Variants in DCLRE1B observed in about 807,000 individuals in gnomAD.
The protein encoded by DCLRE1B is DNA cross-link repair 1B, also known as 5' exonuclease Apollo.
In DCLRE1B, 6 loss-of-function variants were observed where a neutral mutation model predicts 19.8. The ratio of observed to expected loss-of-function variants is 0.30; its 90% confidence interval spans 0.17 to 0.60. The LOEUF (loss-of-function observed/expected upper bound fraction) is 0.60. Ranked by LOEUF, DCLRE1B falls within the 20% of genes least tolerant of loss-of-function variation. The pLI is 0.87. For missense variants in DCLRE1B, 622 were observed against 654.2 expected (o/e 0.95, Z 0.54); for synonymous variants, 258 against 255.7 (o/e 1.01, Z -0.09).
At position 113,907,165 on chromosome 1, in the gene DCLRE1B, G is replaced by A. The variant is rs1214983795; in HGVS notation, c.355+4G>A. 3.9e-6 allele frequency: 6 copies of A among 1,553,936 alleles called. No individual in the cohort carries two copies. The highest frequency in any genetic ancestry group is 1.1e-5 in the South Asian group (1 of 89,522). ...TTTGGAACCATCCTCTACACAGGTG[G>A]GCCTCTCAAGGAATCCCAGTGACTT... On this transcript the variant is annotated splice_donor_region_variant and intron_variant, in intron 2 of 3. Coordinates refer to ENST00000650450, the MANE Select transcript of DCLRE1B (RefSeq NM_022836.4).
At chr1:113,906,157 A>AGCGATTCTCCT (rs1320876284) in intron 1 of DCLRE1B, among the ~76,000 whole-genome samples, 4 of 143,300 alleles carry the variant, frequency 2.8e-5, no homozygotes, top group African/African-American at 1.0e-4. Flanking sequence ...CCCGGGTTCA[A>AGCGATTCTCCT]GCGATTCTCC....
intron 3 of DCLRE1B, among the ~76,000 whole-genome samples, chr1:113,908,793 A>G (rs77727804): frequency 6.7e-5 from 10 of 148,462 alleles, no homozygotes; most frequent in Middle Eastern, 3.4e-3. Flanking sequence ...TGGCCCATGC[A>G]CATACGCGTG....
Position 113,913,358 on chromosome 1 carries a change from G to A in DCLRE1B, c.*1167G>A, listed in dbSNP as rs1453925174. On this transcript the variant is annotated 3_prime_UTR_variant, in exon 4 of 4. Coordinates refer to ENST00000650450, the MANE Select transcript of DCLRE1B (RefSeq NM_022836.4). ...AGAAGATTCCATTTCTTGTCCAGGG[G>A]ATTTAAAAGAGTTTTCTGCTTTGAG... is the stretch of plus-strand genomic sequence containing the variant. The A allele has an allele frequency of 6.5e-6, 1 of 152,770 alleles. No homozygotes were observed. The highest frequency in any genetic ancestry group is 6.5e-5 in the Admixed American group (1 of 15,272). The allele number at this position is 152,770 out of a possible 1,614,324, so 9.5% of individuals were successfully genotyped here.
Position 113,905,646 on chromosome 1 carries a change from G to A in DCLRE1B, c.60G>A (p.Arg20=). 1 of 1,614,188 alleles carries A rather than the reference G, an allele frequency of 6.2e-7. No homozygotes were observed. The highest frequency in any genetic ancestry group is 1.1e-5 in the South Asian group (1 of 91,090). The change falls in exon 1 of 4, where the codon CGG becomes CGA. Residue 20 remains arginine, a synonymous_variant. Coordinates refer to ENST00000650450, the MANE Select transcript of DCLRE1B (RefSeq NM_022836.4). ...CAGTGGACTTCTGGAGCCTGCGCCG[G>A]GCTGGCACCGCACGTCTCTTCTTCT... ...PIAVDFWSLR[R]AGTARLFFLS...
At position 113,912,529 on chromosome 1, in the gene DCLRE1B, C is replaced by A; in HGVS notation, c.*338C>A. 2 of 195,968 alleles carry A rather than the reference C, an allele frequency of 1.0e-5. No individual in the cohort carries two copies. Among genetic ancestry groups the A allele is most frequent in the South Asian group, 1.3e-4 (1 of 7,736 alleles). The allele number at this position is 195,968 out of a possible 1,614,324, so 12.1% of individuals were successfully genotyped here. ...TCTCAAACTTTTGTGAACATGCAAT[C>A]ATCTTATGTGGGTACAGAAAGAGGT... On this transcript the variant is annotated 3_prime_UTR_variant, in exon 4 of 4. Transcript: ENST00000650450.
chr1:113,907,496 T>G (rs781418376), intron 2 of DCLRE1B, among the ~76,000 whole-genome samples: 3 of 151,752 alleles, frequency 2.0e-5, no homozygotes, highest in Non-Finnish European at 2.9e-5. Flanking sequence ...TGAGACGGAG[T>G]TTCACTCTTG....
At position 113,911,041 on chromosome 1, in the gene DCLRE1B, T is replaced by C. The variant is rs945159763; in HGVS notation, c.539-90T>C. On this transcript the variant is annotated intron_variant, in intron 3 of 3. Coordinates refer to ENST00000650450, the MANE Select transcript of DCLRE1B (RefSeq NM_022836.4). ...TTTCTCCATGAATTGTATCTATTTT[T>C]GTTAAACATTTTGTTGATTTATTAG... is the stretch of plus-strand genomic sequence containing the variant. 9 of 1,231,118 alleles carry C rather than the reference T, an allele frequency of 7.3e-6. No homozygotes were observed. The African/African-American group carries it at 1.4e-4, about 19-fold the overall frequency. The allele number at this position is 1,231,118 out of a possible 1,614,324, so 76.3% of individuals were successfully genotyped here. A position where few individuals can be genotyped will look rare whatever the true frequency, so the allele number is the denominator to read the frequency against.
chr1:113,909,251 G>A (rs1669161175), intron 3 of DCLRE1B, among the ~76,000 whole-genome samples: 2 of 152,086 alleles, frequency 1.3e-5, no homozygotes, highest in Non-Finnish European at 2.9e-5. Context: ...TTTAAATTAA[G>A]TATACTGAAA....
chr1:113,904,950 G>A (rs1048679777), upstream of DCLRE1B: 5 of 506,204 alleles, frequency 9.9e-6, no homozygotes, highest in South Asian at 6.0e-5. Flanking sequence ...ACCGTCGGCC[G>A]GCAGGCCGTT....
chr1:113,907,039 A>G lies in DCLRE1B; in HGVS notation c.233A>G (p.His78Arg). Reference protein sequence around the residue: ...WIQALEVGESHVLPLDEIGQE... With the variant: ...WIQALEVGESRVLPLDEIGQE... ...CAAGCCCTGGAGGTTGGTGAGAGCC[A>G]TGTATTACCCCTAGATGAAATTGGA... The change falls in exon 2 of 4, where the codon CAT (histidine) becomes CGT (arginine). Residue 78 changes from histidine (H) to arginine (R), a missense_variant. Physicochemically the swap from His to Arg is conservative, Grantham distance 29. This residue lies in a region of DCLRE1B where 237 missense variants were observed against 223.8 expected (regional missense o/e 1.06). Transcript: ENST00000650450. 2.5e-6 allele frequency: 4 copies of G among 1,614,000 alleles called. No individual in the cohort carries two copies. Among genetic ancestry groups the G allele is most frequent in the Non-Finnish European group, 3.4e-6 (4 of 1,180,000 alleles).
rs1259510253 is a variant in DCLRE1B at position 113,905,339 on chromosome 1, G to C, written c.-248G>C. On this transcript the variant is annotated 5_prime_UTR_variant, in exon 1 of 4. Transcript: ENST00000650450. ...CCTGCAGCGCGCGCTTTGAGTGCCC[G>C]GCTCGGCCTCCGCTCCCGCGCGGTT... The C allele has an allele frequency of 4.0e-6, 2 of 504,200 alleles. No homozygotes were observed. The highest frequency in any genetic ancestry group is 3.9e-5 in the Admixed American group (1 of 25,858). 31.2% of individuals were successfully genotyped at this position (504,200 alleles called of 1,614,324 possible).
chr1:113,908,763 T>G (rs1669140080), intron 3 of DCLRE1B, among the ~76,000 whole-genome samples: 1 of 152,148 alleles, frequency 6.6e-6, no homozygotes, highest in African/African-American at 2.4e-5. Flanking sequence ...GCTTACTTGT[T>G]GTCTATCATG....
chr1:113,904,630 G>C (rs926795463), upstream of DCLRE1B: 2 of 1,613,864 alleles, frequency 1.2e-6, no homozygotes. Flanking sequence ...ATGACATTCC[G>C]GTAGCGCAGC....
At position 113,912,195 on chromosome 1, in the gene DCLRE1B, C is replaced by A. The variant is rs201483853; in HGVS notation, c.*4C>A. 5.9e-5 allele frequency: 94 copies of A among 1,600,518 alleles called. No individual in the cohort carries two copies. In the African/African-American group the frequency reaches 1.1e-3, roughly 19 times the overall value. On this transcript the variant is annotated 3_prime_UTR_variant, in exon 4 of 4. Transcript: ENST00000650450. ...AAAATACCATAAACCCTGCTGAAGA[C>A]AGGAGAGTACAGAATGACAACATTG...
chr1:113,908,746 T>C (rs566181772), intron 3 of DCLRE1B, among the ~76,000 whole-genome samples: 15 of 152,346 alleles, frequency 9.8e-5, no homozygotes, highest in African/African-American at 3.6e-4. Flanking sequence ...TTTTTAAATA[T>C]GCTATTGCTT....
intron 1 of DCLRE1B, 39 bp from the exon 2 acceptor site, chr1:113,906,957 G>A (rs954257284): frequency 2.5e-6 from 4 of 1,610,070 alleles, no homozygotes; most frequent in Non-Finnish European, 2.5e-6. Flanking sequence ...GTAACGGAGA[G>A]GAGTCAGTGG....
chr1:113,904,929 C>T (rs1571596715), upstream of DCLRE1B: 5 of 546,494 alleles, frequency 9.1e-6, no homozygotes, highest in East Asian at 1.6e-4. Flanking sequence ...ACCCTAGGCT[C>T]TTCAGGCCCT....
intron 1 of DCLRE1B, 140 bp from the exon 2 acceptor site, chr1:113,906,856 T>G: frequency 1.2e-6 from 1 of 864,254 alleles, no homozygotes; most frequent in South Asian, 1.7e-5. Context: ...GCAGATTGCT[T>G]GGGAATCCCC....
rs1255196976 is a variant in DCLRE1B at position 113,912,790 on chromosome 1, G to C, written c.*599G>C. 6.6e-6 allele frequency: 1 copy of C among 152,388 alleles called. No homozygotes were observed. Among genetic ancestry groups the C allele is most frequent in the Non-Finnish European group, 1.5e-5 (1 of 68,090 alleles). 9.4% of individuals were successfully genotyped at this position (152,388 alleles called of 1,614,324 possible). A position where few individuals can be genotyped will look rare whatever the true frequency, so the allele number is the denominator to read the frequency against. ...GGAGGGAACAGGAAGCGATGAAGAG[G>C]TCTTGGAACAGTAGTGAAAATTCTA... On this transcript the variant is annotated 3_prime_UTR_variant, in exon 4 of 4. Coordinates refer to ENST00000650450, the MANE Select transcript of DCLRE1B (RefSeq NM_022836.4).
Sources: gnomAD v4.1 joint callset for allele counts (sites outside exome capture counted in the v4.1 genomes callset) on GRCh38, gnomAD v4.1.1 for gene constraint, gnomAD v4.1.1 regional missense constraint, MANE v1.5 for transcripts, NCBI Gene and HGNC (gene_info 2026-07-23, HGNC 2026-07-21) for gene names.